ROBO2: variants seen among roughly 807,000 people sequenced by gnomAD.
ROBO2 encodes roundabout homolog 2.
ROBO2 carries 53 observed loss-of-function variants against 160.8 expected under a neutral mutation model. The ratio of observed to expected loss-of-function variants is 0.33; its 90% CI spans 0.26 to 0.41. ROBO2 has a LOEUF of 0.41. ROBO2 is among the 10% of genes least tolerant of loss of function. The pLI is 1.00. For synonymous variants in ROBO2, 664 were observed against 611.7 expected (o/e 1.09, Z -1.26); for missense variants, 1,577 against 1,722.4 (o/e 0.92, Z 1.49).
At chr3:77,182,486 T>C (rs1007437836) in intron 2 of ROBO2, among the ~76,000 whole-genome samples, 11 of 152,108 alleles carry the variant, frequency 7.2e-5, no homozygotes, top group African/African-American at 2.7e-4. Context: ...CAATTAATTC[T>C]GTCTGAGATG....
chr3:77,177,934 A>G (rs148072539), intron 2 of ROBO2, among the ~76,000 whole-genome samples: 99 of 151,766 alleles, frequency 6.5e-4, no homozygotes, highest in African/African-American at 2.2e-3. Context: ...CTCCTTCATT[A>G]TTTTCTATTT....
At chr3:76,509,933 T>TCACA (rs34348644) in intron 2 of ROBO2, among the ~76,000 whole-genome samples, 9 of 151,180 alleles carry the variant, frequency 6.0e-5, no homozygotes, top group African/African-American at 7.3e-5. Flanking sequence ...AAATACAGGC[T>TCACA]CACACACACA....
chr3:76,093,071 G>A (rs1353957911), intron 2 of ROBO2, among the ~76,000 whole-genome samples: 1 of 152,072 alleles, frequency 6.6e-6, no homozygotes, highest in Non-Finnish European at 1.5e-5. Flanking sequence ...CTTTTGAGAT[G>A]TAAATTTTGG....
intron 1 of ROBO2, among the ~76,000 whole-genome samples, chr3:75,929,550 G>C (rs1216627975): frequency 6.6e-6 from 1 of 152,150 alleles, no homozygotes. Context: ...TGAGGTGGTT[G>C]TTCTTGGTTC....
At chr3:76,924,331 T>C (rs1186652630) in intron 2 of ROBO2, among the ~76,000 whole-genome samples, 8 of 152,242 alleles carry the variant, frequency 5.3e-5, no homozygotes, top group African/African-American at 1.7e-4. Flanking sequence ...TGAATGAGAT[T>C]ATTATTTTCT....
intron 2 of ROBO2, among the ~76,000 whole-genome samples, chr3:77,221,200 G>T (rs1448936497): frequency 6.6e-6 from 1 of 152,140 alleles, no homozygotes; most frequent in African/African-American, 2.4e-5. Context: ...GGCACCCTCT[G>T]CCAGTGCTGT....
chr3:76,190,126 G>A (rs186687457), intron 2 of ROBO2, among the ~76,000 whole-genome samples: 4 of 151,938 alleles, frequency 2.6e-5, no homozygotes, highest in African/African-American at 4.8e-5. Flanking sequence ...GCTGATGATC[G>A]GCTTGATTGT....
At chr3:77,426,697 G>A (rs188206013) in intron 2 of ROBO2, among the ~76,000 whole-genome samples, 5 of 147,636 alleles carry the variant, frequency 3.4e-5, no homozygotes, top group Non-Finnish European at 7.5e-5. Context: ...AGGAAGGAAG[G>A]AAGGAAGGAA....
chr3:77,260,263 T>A (rs2153330945), intron 2 of ROBO2, among the ~76,000 whole-genome samples: 1 of 152,296 alleles, frequency 6.6e-6, no homozygotes, highest in African/African-American at 2.4e-5. Context: ...TATATTATTT[T>A]GCTTATATTT....
chr3:76,651,191 T>G (rs1472174103), intron 2 of ROBO2, among the ~76,000 whole-genome samples: 2 of 152,186 alleles, frequency 1.3e-5, no homozygotes, highest in Non-Finnish European at 2.9e-5. Flanking sequence ...TGTCCATCTC[T>G]CAACTCAACT....
At position 76,389,781 on chromosome 3, in the gene ROBO2, TATTAAA is replaced by T. The variant is rs200646165; in HGVS notation, c.109+452185_109+452190del. ...CACTTTCCTTTGTTACATACATCTA[TATTAAA>T]ATTAAGTTTCATCGATTACATTTAG... is the stretch of plus-strand genomic sequence containing the variant. On this transcript the variant is annotated intron_variant, in intron 2 of 26. Transcript: ENST00000487694. 6.5e-3 allele frequency among the ~76,000 whole-genome samples: 983 copies of T among 152,316 alleles called. 44 individuals carry two copies. The highest frequency in any genetic ancestry group is 0.061 in the Admixed American group (929 of 15,294).
chr3:76,633,016 A>G (rs1023377046), intron 2 of ROBO2, among the ~76,000 whole-genome samples: 1 of 152,214 alleles, frequency 6.6e-6, no homozygotes, highest in African/African-American at 2.4e-5. Flanking sequence ...GTATTACTTG[A>G]TTAGCCTACA....
intron 2 of ROBO2, among the ~76,000 whole-genome samples, chr3:76,104,260 A>G (rs1294436120): frequency 6.6e-6 from 1 of 152,236 alleles, no homozygotes; most frequent in Non-Finnish European, 1.5e-5. Context: ...CTTAGTAACT[A>G]TAAGCTGGAG....
intron 2 of ROBO2, among the ~76,000 whole-genome samples, chr3:76,573,095 C>T (rs925539669): frequency 3.9e-5 from 6 of 152,060 alleles, no homozygotes; most frequent in Non-Finnish European, 7.4e-5. Flanking sequence ...AGCACTTCCA[C>T]GTTGCCTGGG....
Position 76,774,233 on chromosome 3 carries a change from T to C in ROBO2, c.110-323781T>C, listed in dbSNP as rs1576545803. 4.6e-5 allele frequency among the ~76,000 whole-genome samples: 7 copies of C among 151,064 alleles called. 2 individuals are homozygous for C. Among genetic ancestry groups the C allele is most frequent in the Admixed American group, 4.6e-4 (7 of 15,110 alleles). ...GTGTATTTCTAATGTATTTTGTGAATCATTAAAAATACCAAGCTAACTCTG... is the reference window on the plus strand; with the variant it reads ...GTGTATTTCTAATGTATTTTGTGAACCATTAAAAATACCAAGCTAACTCTG... On this transcript the variant is annotated intron_variant, in intron 2 of 26. Coordinates refer to the ROBO2 transcript ENST00000487694.
At chr3:76,532,043 G>A (rs2082257632) in intron 2 of ROBO2, among the ~76,000 whole-genome samples, 1 of 152,140 alleles carries the variant, frequency 6.6e-6, no homozygotes, top group East Asian at 1.9e-4. Context: ...GTAAGTAGAA[G>A]GTACTGTTTC....
chr3:77,489,288 C>T (rs762853394), intron 4 of ROBO2, among the ~76,000 whole-genome samples: 3 of 152,144 alleles, frequency 2.0e-5, no homozygotes, highest in Non-Finnish European at 2.9e-5. Context: ...TTACATTTTT[C>T]ACCATGAGCC....
intron 2 of ROBO2, among the ~76,000 whole-genome samples, chr3:76,881,828 A>T (rs1203360547): frequency 6.6e-6 from 1 of 152,206 alleles, no homozygotes; most frequent in Non-Finnish European, 1.5e-5. Flanking sequence ...GCCAGGCCTG[A>T]TGCTGTGATC....
At chr3:76,527,311 T>A (rs529747153) in intron 2 of ROBO2, among the ~76,000 whole-genome samples, 1 of 152,250 alleles carries the variant, frequency 6.6e-6, no homozygotes, top group East Asian at 1.9e-4. Flanking sequence ...CTAATTTTTT[T>A]AAAAAGTCAG....
Sources: gnomAD v4.1 joint callset for allele counts (sites outside exome capture counted in the v4.1 genomes callset) on GRCh38, gnomAD v4.1.1 for gene constraint, MANE v1.5 for transcripts, NCBI Gene and HGNC (gene_info 2026-07-23, HGNC 2026-07-21) for gene names.